The following NEK5 variants were observed in gnomAD, a reference collection of about 807,000 sequenced individuals.
The protein encoded by NEK5 is serine/threonine-protein kinase Nek5.
A neutral mutation model predicts 109.2 loss-of-function variants in NEK5; 88 were observed. The ratio of observed to expected loss-of-function variants is 0.81; its 90% CI spans 0.68 to 0.96. NEK5 has a LOEUF of 0.96. Among genes scored for constraint, NEK5 ranks in the 40% least tolerant of loss-of-function variants. NEK5 has a pLI of 0.00. For missense variants in NEK5, 834 were observed against 920.7 expected (o/e 0.91, Z 1.22); for synonymous variants, 283 against 299.9 (o/e 0.94, Z 0.58).
rs1189509445 is a variant in NEK5, at chr13:52,035,477, C to T, written c.*1471G>A. 4 of 152,204 alleles carry T rather than the reference C, an allele frequency of 2.6e-5. No individual in the cohort carries two copies. The highest frequency in any genetic ancestry group is 9.7e-5 in the African/African-American group (4 of 41,450). 9.4% of individuals were successfully genotyped at this position (152,204 alleles called of 1,614,324 possible). On this transcript the variant is annotated 3_prime_UTR_variant, in exon 24 of 24. Coordinates refer to ENST00000684899, the MANE Select transcript of NEK5 (RefSeq NM_001365552.1). ...TACCACCCTGAAATGTAACCACCCT[C>T]TCCTTCCTAAGCCCAGACATACTCC... is the stretch of plus-strand genomic sequence containing the variant.
At chr13:52,043,946 A>G (rs1191302978) in intron 23 of NEK5, among the ~76,000 whole-genome samples, 1 of 152,246 alleles carries the variant, frequency 6.6e-6, no homozygotes, top group African/African-American at 2.4e-5. Context: ...GATTCAAAGT[A>G]TTGATCCTGG....
intron 17 of NEK5, among the ~76,000 whole-genome samples, chr13:52,080,320 G>A (rs1199189332): frequency 4.0e-5 from 6 of 149,618 alleles, no homozygotes; most frequent in African/African-American, 1.2e-4. Flanking sequence ...GGTGAGGGGC[G>A]CCTCTGCCCG....
intron 16 of NEK5, among the ~76,000 whole-genome samples, chr13:52,084,758 A>T (rs1457149946): frequency 0.027 from 1,199 of 44,862 alleles, 6 homozygotes; most frequent in Non-Finnish European, 0.03. Flanking sequence ...AGAGAGAGAG[A>T]GAGAGTGTGT....
chr13:52,043,908 A>G (rs1322144869), intron 23 of NEK5, among the ~76,000 whole-genome samples: 5 of 152,234 alleles, frequency 3.3e-5, no homozygotes, highest in Non-Finnish European at 7.3e-5. Context: ...GATGGTTTAT[A>G]CAGAGTGTCA....
Position 52,099,814 on chromosome 13 carries a change from G to A in NEK5, c.955C>T (p.Pro319Ser), listed in dbSNP as rs1487348670. 6.2e-7 allele frequency: 1 copy of A among 1,613,302 alleles called. No individual in the cohort carries two copies. The stretch of plus-strand genomic sequence containing the variant: ...TGCAATATAGCATTCCTTTTAATTG[G>A]CACAGATATCCTTGATCTTGGTGGG... ...KCPPRSRISV[P>S]IKRNAILHRN... The change falls in exon 12 of 24, where the codon CCA becomes TCA. Residue 319 changes from proline to serine, a missense_variant. By Grantham distance (74) the Pro-to-Ser change is moderately conservative. Coordinates refer to ENST00000684899, the MANE Select transcript of NEK5 (RefSeq NM_001365552.1).
rs1426003317 is a variant in NEK5 at position 52,110,538 on chromosome 13, G to A, written c.352C>T (p.His118Tyr). 2.7e-5 allele frequency: 44 copies of A among 1,612,576 alleles called. No individual in the cohort carries two copies. Among genetic ancestry groups the A allele is most frequent in the African/African-American group, 4.0e-5 (3 of 74,862 alleles). Residue 118 changes from histidine to tyrosine, a missense_variant, in exon 6 of 24, where the codon CAT (histidine) becomes TAT (tyrosine). His to Tyr is a moderately conservative substitution (Grantham distance 83). This residue lies in a region of NEK5 where 777 missense variants were observed against 824.7 expected (regional missense o/e 0.94). Coordinates refer to ENST00000684899, the MANE Select transcript of NEK5 (RefSeq NM_001365552.1). Reference sequence around the variant, plus strand: ...TGTAATATCTTCCTGTCATGAATATGTTTTAGTCCTAGAGAAATCTGTACA... The same window carrying A: ...TGTAATATCTTCCTGTCATGAATATATTTTAGTCCTAGAGAAATCTGTACA... ...WFVQISLGLK[H>Y]IHDRKILHRD...
chr13:52,040,696 A>G (rs1428689018), intron 23 of NEK5, among the ~76,000 whole-genome samples: 2 of 152,128 alleles, frequency 1.3e-5, no homozygotes, highest in Admixed American at 1.3e-4. Context: ...TAAATGTTCA[A>G]TTGTAAGTTC....
At chr13:52,053,519 A>G (rs1400272002) in intron 22 of NEK5, among the ~76,000 whole-genome samples, 2 of 152,054 alleles carry the variant, frequency 1.3e-5, no homozygotes, top group Non-Finnish European at 2.9e-5. Context: ...TCTTTCCACC[A>G]AGCACTCCCT....
At chr13:52,038,962 G>A (rs1954391834) in intron 23 of NEK5, among the ~76,000 whole-genome samples, 1 of 152,030 alleles carries the variant, frequency 6.6e-6, no homozygotes, top group African/African-American at 2.4e-5. Context: ...GGAGAGAGTT[G>A]GGCATGTTTA....
intron 4 of NEK5, among the ~76,000 whole-genome samples, chr13:52,118,071 A>T (rs1442196105): frequency 6.6e-6 from 1 of 152,168 alleles, no homozygotes; most frequent in Non-Finnish European, 1.5e-5. Context: ...AAATACCCAG[A>T]AGCCAAAGAA....
chr13:52,082,242 G>A (rs1381519663), intron 17 of NEK5: 1 of 376,384 alleles, frequency 2.7e-6, no homozygotes, highest in Non-Finnish European at 4.6e-6. Context: ...TTGAACCTGG[G>A]AGGCGGAGGT....
chr13:52,106,822 C>A (rs1409994605), intron 8 of NEK5, among the ~76,000 whole-genome samples: 2 of 151,454 alleles, frequency 1.3e-5, no homozygotes, highest in African/African-American at 4.9e-5. Flanking sequence ...TACATAAAAA[C>A]TAACTGGGTT....
chr13:52,037,194 C>T lies in NEK5; in HGVS notation c.2253G>A (p.Glu751=), dbSNP rs1200145833. 1.0e-6 allele frequency: 1 copy of T among 984,516 alleles called. No homozygotes were observed. The highest frequency in any genetic ancestry group is 1.2e-6 in the Non-Finnish European group (1 of 829,254). The allele number at this position is 984,516 out of a possible 1,614,324, so 61.0% of individuals were successfully genotyped here. ...AGTATTCTACTACTTCATCTCTCAA[C>T]TCATCTTCAGATTCTTCAAAATTTC... The part of the protein sequence containing the change: ...DDTNFEESED[E]LRDEVVEYLE... Residue 751 remains glutamate, a synonymous_variant, in exon 24 of 24, where the codon GAG becomes GAA. Transcript: ENST00000684899.
rs542716298 is a variant in NEK5 at position 52,108,542 on chromosome 13, A to C, written c.468-138T>G. 7.8e-5 allele frequency: 40 copies of C among 512,162 alleles called. No homozygotes were observed. The Admixed American group carries it at 1.2e-3, about 15-fold the overall frequency. 31.7% of individuals were successfully genotyped at this position (512,162 alleles called of 1,614,324 possible). On this transcript the variant is annotated intron_variant, in intron 7 of 23. Transcript: ENST00000684899. The stretch of plus-strand genomic sequence containing the variant: ...GCATACATGTGTTAGAAGAAAGCAA[A>C]ACACTGTATGTTGATAAAGTAACTA...
chr13:52,084,734 TGAGAGAGA>T (rs1170629594), intron 16 of NEK5, among the ~76,000 whole-genome samples: 216 of 110,052 alleles, frequency 2.0e-3, no homozygotes, highest in African/African-American at 4.6e-3. Context: ...AGAGAGAGAG[TGAGAGAGA>T]GAGAGAGAGA....
chr13:52,059,845 C>T (rs1333752612), intron 22 of NEK5, among the ~76,000 whole-genome samples: 1 of 151,886 alleles, frequency 6.6e-6, no homozygotes, highest in Non-Finnish European at 1.5e-5. Context: ...GGGAGATATA[C>T]CTAATGCTTG....
At chr13:52,078,432 G>C (rs1181976913) in intron 17 of NEK5, among the ~76,000 whole-genome samples, 1 of 152,294 alleles carries the variant, frequency 6.6e-6, no homozygotes, top group South Asian at 2.1e-4. Flanking sequence ...GAATAAGAGA[G>C]AGGAGTTTAC....
At position 52,065,523 on chromosome 13, in the gene NEK5, C is replaced by A. The variant is rs776361507; in HGVS notation, c.1936G>T (p.Val646Leu). Residue 646 changes from valine to leucine, a missense_variant, in exon 21 of 24, where the codon GTG (valine) becomes TTG (leucine). By Grantham distance (32) the Val-to-Leu change is conservative (BLOSUM62 1). Around this residue, in one of 2 missense-constraint regions of NEK5, gnomAD observed 777 missense variants for 824.7 expected, o/e 0.94. Coordinates refer to ENST00000684899, the MANE Select transcript of NEK5 (RefSeq NM_001365552.1). ...GGGCAGGTGGAGGTGATGTCGGCCA[C>A]TGCCATCATCTGCAGCAGAGTCTGA... The part of the protein sequence containing the change: ...APQTLLQMMA[V>L]ADITSTCPTG... 2 of 1,613,540 alleles carry A rather than the reference C, an allele frequency of 1.2e-6. No individual in the cohort carries two copies. The highest frequency in any genetic ancestry group is 2.7e-5 in the African/African-American group (2 of 74,930).
chr13:52,056,665 A>G (rs1247691877), intron 22 of NEK5, among the ~76,000 whole-genome samples: 1 of 151,104 alleles, frequency 6.6e-6, no homozygotes, highest in East Asian at 1.9e-4. Flanking sequence ...GCTCAACTAC[A>G]TGGAAACTGA....
Sources: gnomAD v4.1 joint callset for allele counts (sites outside exome capture counted in the v4.1 genomes callset) on GRCh38, gnomAD v4.1.1 for gene constraint, gnomAD v4.1.1 regional missense constraint, MANE v1.5 for transcripts, NCBI Gene and HGNC (gene_info 2026-07-23, HGNC 2026-07-21) for gene names.